RAPGEF1: variants seen among roughly 807,000 people sequenced by gnomAD.
RAPGEF1 encodes Rap guanine nucleotide exchange factor 1.
Under a neutral mutation model 143.3 loss-of-function variants are expected in RAPGEF1, and 33 were observed. The observed-to-expected ratio is 0.23, with a 90% CI of 0.17 to 0.31. The LOEUF (loss-of-function observed/expected upper bound fraction) is 0.31. Ranked by LOEUF, RAPGEF1 falls within the 10% of genes least tolerant of loss-of-function variation. The pLI, the probability that RAPGEF1 is intolerant of heterozygous loss-of-function variation, is 1.00. For synonymous variants in RAPGEF1, 629 were observed against 676.5 expected (o/e 0.93, Z 1.09); for missense variants, 1,199 against 1,645.4 (o/e 0.73, Z 4.69).
Position 131,650,803 on chromosome 9 carries a change from A to C in RAPGEF1, c.201+7T>G. The C allele has an allele frequency of 1.2e-6, 2 of 1,613,342 alleles. No individual in the cohort carries two copies. The highest frequency in any genetic ancestry group is 1.7e-6 in the Non-Finnish European group (2 of 1,179,708). ...GAGGCCAGGAGAAACATCCAGAGTC[A>C]GCTTACTTTGTTCACAGGCTTCTCT... On this transcript the variant is annotated splice_region_variant and intron_variant, in intron 2 of 26. Transcript: ENST00000683357. This position sits in a 1 kb window ranked among gnomAD's most constrained non-coding sequence, Gnocchi z 4.7.
intron 3 of RAPGEF1, among the ~76,000 whole-genome samples, chr9:131,646,985 C>T (rs1295624198): frequency 3.9e-5 from 6 of 152,154 alleles, no homozygotes; most frequent in African/African-American, 1.2e-4. Context: ...CAAGAGCACT[C>T]GGATCCAATC....
intron 26 of RAPGEF1, 36 bp downstream of exon 26, chr9:131,580,227 A>C (rs1457293168): frequency 6.2e-7 from 1 of 1,609,220 alleles, no homozygotes; most frequent in Non-Finnish European, 8.5e-7. Context: ...CCCGGGGCTC[A>C]GCTCTGCCTG....
intron 22 of RAPGEF1, among the ~76,000 whole-genome samples, chr9:131,586,085 A>G (rs1564451391): frequency 6.6e-6 from 1 of 152,058 alleles, no homozygotes; most frequent in Non-Finnish European, 1.5e-5. Context: ...AGGCTGAGGC[A>G]GGAGAATGGC....
rs1952422474 is a variant in RAPGEF1, at chr9:131,584,651, C to T, written c.3234-55G>A. On this transcript the variant is annotated intron_variant, in intron 22 of 26. Transcript: ENST00000683357. The surrounding 1 kb of genome is among the most constrained non-coding windows in gnomAD (Gnocchi z 6.8). ...TGAGTTGACAAGTCCCTGCAGGTCC[C>T]AGGGGTCCTGGTGGAGACAGGACCT... 6.3e-7 allele frequency: 1 copy of T among 1,583,430 alleles called. No individual in the cohort carries two copies. Among genetic ancestry groups the T allele is most frequent in the Admixed American group, 1.7e-5 (1 of 59,878 alleles).
Position 131,678,505 on chromosome 9 carries a change from C to G in RAPGEF1, c.62-27556G>C, listed in dbSNP as rs558316192. On this transcript the variant is annotated intron_variant, in intron 1 of 26. Coordinates refer to ENST00000683357, the MANE Select transcript of RAPGEF1 (RefSeq NM_001377935.1). ...CACATTTCTTAGAGAATCTAAACCA[C>G]TAGTATAAGCCAGTGTGCTGTTTTC... 1.6e-4 allele frequency among the ~76,000 whole-genome samples: 25 copies of G among 152,366 alleles called. No individual in the cohort carries two copies. In the South Asian group the frequency reaches 5.0e-3, roughly 30 times the overall value.
At chr9:131,690,323 G>A (rs1189002161) in intron 1 of RAPGEF1, among the ~76,000 whole-genome samples, 1 of 152,128 alleles carries the variant, frequency 6.6e-6, no homozygotes, top group Non-Finnish European at 1.5e-5. Context: ...CTTCCAAAAC[G>A]AGAAAGAGAA....
chr9:131,596,633 G>A (rs995814502), intron 16 of RAPGEF1, among the ~76,000 whole-genome samples: 1 of 152,160 alleles, frequency 6.6e-6, no homozygotes, highest in Admixed American at 6.5e-5. Context: ...CCGGCACCAA[G>A]GCACCAGGGC....
At chr9:131,598,597 C>G in intron 15 of RAPGEF1, 1 of 541,120 alleles carries the variant, frequency 1.8e-6, no homozygotes, top group African/African-American at 1.9e-5. Context: ...CTCAGCCACT[C>G]CCTGCCAAGG....
At chr9:131,700,585 C>G (rs551685577) in intron 1 of RAPGEF1, among the ~76,000 whole-genome samples, 39 of 152,298 alleles carry the variant, frequency 2.6e-4, no homozygotes, top group African/African-American at 9.1e-4. Context: ...AATGAACATC[C>G]AATCAATAAA....
chr9:131,715,030 T>C (rs527658027), intron 1 of RAPGEF1, among the ~76,000 whole-genome samples: 2 of 152,124 alleles, frequency 1.3e-5, no homozygotes, highest in African/African-American at 4.8e-5. Flanking sequence ...TTGAAGTAAC[T>C]TTCCTGTCCA....
chr9:131,590,034 G>A (rs1953931019), intron 18 of RAPGEF1, 56 bp from the exon 19 acceptor site: 1 of 1,473,874 alleles, frequency 6.8e-7, no homozygotes, highest in Non-Finnish European at 9.5e-7. Context: ...GTGGAGTGGA[G>A]GACTGACTCC....
At chr9:131,598,486 G>A (rs1157157225) in intron 15 of RAPGEF1, 176 bp from the exon 16 acceptor site, 1 of 700,922 alleles carries the variant, frequency 1.4e-6, no homozygotes, top group East Asian at 2.7e-5. Flanking sequence ...TGGCTGTGTG[G>A]CCATAGGACA....
chr9:131,718,007 C>T (rs1345153304), intron 1 of RAPGEF1, among the ~76,000 whole-genome samples: 2 of 152,102 alleles, frequency 1.3e-5, no homozygotes, highest in South Asian at 2.1e-4. Context: ...AAAACCCTAC[C>T]GCAGGATCCA....
chr9:131,737,391 C>T, intron 1 of RAPGEF1: 3 of 1,613,822 alleles, frequency 1.9e-6, no homozygotes, highest in Non-Finnish European at 1.7e-6. Flanking sequence ...GCACTCATGA[C>T]ACCCCTCTCT....
intron 3 of RAPGEF1, among the ~76,000 whole-genome samples, chr9:131,648,322 C>T (rs888840404): frequency 1.3e-5 from 2 of 152,098 alleles, no homozygotes; most frequent in African/African-American, 2.4e-5. Context: ...GCCTGGGAGG[C>T]GGAGATTGCA....
intron 25 of RAPGEF1, among the ~76,000 whole-genome samples, chr9:131,581,958 C>G (rs565703509): frequency 1.2e-3 from 181 of 152,318 alleles, no homozygotes; most frequent in Non-Finnish European, 2.1e-3. Flanking sequence ...ATTGAACACT[C>G]AGCACTGGGA....
intron 1 of RAPGEF1, among the ~76,000 whole-genome samples, chr9:131,711,559 C>T (rs1464465099): frequency 2.0e-5 from 3 of 151,294 alleles, no homozygotes; most frequent in Non-Finnish European, 4.4e-5. Context: ...GGATCTGCCA[C>T]GTTGGCCAGG....
intron 1 of RAPGEF1, among the ~76,000 whole-genome samples, chr9:131,730,858 G>A (rs1033573928): frequency 2.6e-5 from 4 of 152,128 alleles, no homozygotes; most frequent in Non-Finnish European, 5.9e-5. Flanking sequence ...GCAGCCCCCT[G>A]TGAGCTCCAG....
chr9:131,637,862 T>C (rs1224293405), intron 5 of RAPGEF1, among the ~76,000 whole-genome samples: 4 of 152,212 alleles, frequency 2.6e-5, no homozygotes, highest in Admixed American at 1.3e-4. Flanking sequence ...TTCAAGTTCA[T>C]AGACTACGAA....
Sources: gnomAD v4.1 joint callset for allele counts (sites outside exome capture counted in the v4.1 genomes callset) on GRCh38, gnomAD v4.1.1 for gene constraint, Gnocchi (gnomAD v3.1) non-coding constraint, MANE v1.5 for transcripts, NCBI Gene and HGNC (gene_info 2026-07-23, HGNC 2026-07-21) for gene names.